MTMR6: variants seen among roughly 807,000 people sequenced by gnomAD.
The protein encoded by MTMR6 is myotubularin related protein 6.
In MTMR6, 47 loss-of-function variants were observed where a neutral mutation model predicts 80.1. The observed-to-expected ratio is 0.59, with a 90% CI of 0.46 to 0.75. MTMR6 has a LOEUF of 0.75. MTMR6 is among the 30% of genes least tolerant of loss of function. MTMR6 has a pLI of 0.00. For missense variants in MTMR6, 629 were observed against 730.9 expected, an observed-to-expected ratio of 0.86 and a Z score of 1.61; for synonymous variants, 254 against 253.0, an observed-to-expected ratio of 1.00 and a Z score of -0.04.
intron 5 of MTMR6, among the ~76,000 whole-genome samples, chr13:25,263,257 T>G (rs1325201937): frequency 6.6e-6 from 1 of 152,126 alleles, no homozygotes; most frequent in Non-Finnish European, 1.5e-5. Flanking sequence ...GCTCAAAACC[T>G]CTGAAGGCTT....
In MTMR6 at chr13:25,249,182, C is replaced by A; in HGVS notation, c.*50G>T. On this transcript the variant is annotated 3_prime_UTR_variant, in exon 14 of 14. Transcript: ENST00000381801. ...TGGTTATGCTTACAGACCATCCTCA[C>A]AATAATCCTTTTCTTGTACTGCAAT... The A allele has an allele frequency of 1.3e-6, 2 of 1,587,244 alleles. No homozygotes were observed. Among genetic ancestry groups the A allele is most frequent in the Non-Finnish European group, 1.7e-6 (2 of 1,164,250 alleles).
In MTMR6 at chr13:25,264,840, C is replaced by T. The variant is rs528643597; in HGVS notation, c.591+979G>A. 1.1e-4 allele frequency among the ~76,000 whole-genome samples: 17 copies of T among 151,624 alleles called. No individual in the cohort carries two copies. In the South Asian group the frequency reaches 3.6e-3, roughly 32 times the overall value. On this transcript the variant is annotated intron_variant, in intron 5 of 13. Coordinates refer to ENST00000381801, the MANE Select transcript of MTMR6 (RefSeq NM_004685.5). ...TTCTCAGAGAAAACAAAATCAGGTC[C>T]CAAAGGACTGGGAGTCAGAAATGGC...
chr13:25,265,825 A>C lies in MTMR6; in HGVS notation c.585T>G (p.Asp195Glu). 6.2e-7 allele frequency: 1 copy of C among 1,612,924 alleles called. No homozygotes were observed. Among genetic ancestry groups the C allele is most frequent in the Non-Finnish European group, 8.5e-7 (1 of 1,179,092 alleles). Reference protein sequence around the residue: ...RFPVLSYYHQDKEAAICRCSQ... With the variant: ...RFPVLSYYHQEKEAAICRCSQ... ...CAAAAGAAAAGCATCCTACCTCCTT[A>C]TCTTGATGATAGTAGGAAAGAACTG... The change falls in exon 5 of 14, where the codon GAT becomes GAG. Residue 195 changes from aspartate to glutamate, a missense_variant. Coordinates refer to ENST00000381801, the MANE Select transcript of MTMR6 (RefSeq NM_004685.5).
intron 8 of MTMR6, 123 bp from the exon 9 acceptor site, chr13:25,257,444 A>G: frequency 8.5e-7 from 1 of 1,178,630 alleles, no homozygotes; most frequent in Non-Finnish European, 1.2e-6. Context: ...ATAATGTCAC[A>G]GCATAATTTC....
At chr13:25,259,744 C>T (rs961870900) in intron 6 of MTMR6, among the ~76,000 whole-genome samples, 1 of 152,090 alleles carries the variant, frequency 6.6e-6, no homozygotes, top group African/African-American at 2.4e-5. Context: ...ATATTACAAT[C>T]GCCTTTTATA....
intron 1 of MTMR6, among the ~76,000 whole-genome samples, chr13:25,286,658 A>G (rs1368236772): frequency 6.6e-6 from 1 of 152,194 alleles, no homozygotes; most frequent in Non-Finnish European, 1.5e-5. Context: ...ACTCTTGACT[A>G]CTGACACAGG....
chr13:25,257,287 T>A lies in MTMR6; in HGVS notation c.1004A>T (p.His335Leu), dbSNP rs773843434. ...AGTCCTATCCCAACCATCGGAACAA[T>A]GCACCAACACACTTGCATTTTCAAC... ...ITVENASVLV[H>L]CSDGWDRTSQ... The change falls in exon 9 of 14, where the codon CAT becomes CTT. Residue 335 changes from histidine to leucine, a missense_variant. His to Leu is a moderately conservative substitution (Grantham distance 99, BLOSUM62 -3). Coordinates refer to ENST00000381801, the MANE Select transcript of MTMR6 (RefSeq NM_004685.5). The A allele has an allele frequency of 1.2e-6, 2 of 1,613,810 alleles. No individual in the cohort carries two copies. The highest frequency in any genetic ancestry group is 2.7e-5 in the African/African-American group (2 of 74,894).
intron 11 of MTMR6, 81 bp downstream of exon 11, chr13:25,253,678 ATATTT>A: frequency 8.7e-7 from 1 of 1,153,836 alleles, no homozygotes; most frequent in East Asian, 2.5e-5. Context: ...AATTGTCAAG[ATATTT>A]TATTAAGTTT....
chr13:25,265,417 C>T (rs1462226869), intron 5 of MTMR6, among the ~76,000 whole-genome samples: 2 of 152,142 alleles, frequency 1.3e-5, no homozygotes, highest in African/African-American at 2.4e-5. Flanking sequence ...AAAGCCAGTG[C>T]TTCTCCATTA....
chr13:25,246,471 C>T lies in MTMR6; in HGVS notation c.*2761G>A, dbSNP rs1456925003. On this transcript the variant is annotated 3_prime_UTR_variant, in exon 14 of 14. Transcript: ENST00000381801. The stretch of plus-strand genomic sequence containing the variant: ...TTGGAATTCTACATGGAAAAGCCAA[C>T]AAAATAACTAAAACTTGACTAATGA... 1.3e-5 allele frequency: 2 copies of T among 152,562 alleles called. No individual in the cohort carries two copies. Among genetic ancestry groups the T allele is most frequent in the Non-Finnish European group, 2.9e-5 (2 of 68,020 alleles). The allele number at this position is 152,562 out of a possible 1,614,324, so 9.5% of individuals were successfully genotyped here.
intron 2 of MTMR6, among the ~76,000 whole-genome samples, chr13:25,273,067 T>C (rs1957617660): frequency 6.6e-6 from 1 of 152,116 alleles, no homozygotes. Flanking sequence ...TTTCTTTATC[T>C]GAAAAGGGTA....
intron 2 of MTMR6, among the ~76,000 whole-genome samples, chr13:25,269,878 T>G (rs1416682056): frequency 6.6e-6 from 1 of 152,140 alleles, no homozygotes; most frequent in African/African-American, 2.4e-5. Context: ...ATCACTTATA[T>G]TAATGCGCCT....
At chr13:25,257,147 A>G in intron 9 of MTMR6, 49 bp downstream of exon 9, 1 of 1,552,368 alleles carries the variant, frequency 6.4e-7, no homozygotes, top group Admixed American at 1.9e-5. Context: ...GGAGGAACAT[A>G]AAATTACTCC....
chr13:25,254,520 G>T, intron 9 of MTMR6, 86 bp from the exon 10 acceptor site: 1 of 878,568 alleles, frequency 1.1e-6, no homozygotes, highest in Non-Finnish European at 1.8e-6. Flanking sequence ...TTTAAAAACA[G>T]TATTTACTGT....
Position 25,265,930 on chromosome 13 carries a change from G to A in MTMR6, c.480C>T (p.Pro160=), listed in dbSNP as rs995856115. The change falls in exon 5 of 14, where the codon CCC becomes CCT. Residue 160 remains proline, a synonymous_variant. Coordinates refer to ENST00000381801, the MANE Select transcript of MTMR6 (RefSeq NM_004685.5). The stretch of plus-strand genomic sequence containing the variant: ...CTATCCGGGGAACATAAAGTTCTCT[G>A]GGGTAAGTTTCACAAATCTGTAAAT... ...NRDYKICETY[P]RELYVPRIAS... is the part of the protein sequence containing the mutation. The A allele has an allele frequency of 1.2e-6, 2 of 1,613,692 alleles. No homozygotes were observed. Among genetic ancestry groups the A allele is most frequent in the Non-Finnish European group, 1.7e-6 (2 of 1,179,670 alleles).
At chr13:25,261,079 G>T (rs1040264174) in intron 6 of MTMR6, among the ~76,000 whole-genome samples, 1 of 151,872 alleles carries the variant, frequency 6.6e-6, no homozygotes. Context: ...CAACTGAGGT[G>T]GGCGGATCAC....
chr13:25,264,458 T>C (rs575361103), intron 5 of MTMR6, among the ~76,000 whole-genome samples: 1 of 151,890 alleles, frequency 6.6e-6, no homozygotes, highest in Non-Finnish European at 1.5e-5. Context: ...GACATTACTG[T>C]GAAATTTCAG....
intron 2 of MTMR6, 92 bp from the exon 3 acceptor site, chr13:25,268,033 A>G: frequency 7.6e-7 from 1 of 1,308,478 alleles, no homozygotes; most frequent in Non-Finnish European, 1.0e-6. Flanking sequence ...CTTCCTCAAA[A>G]AAAGTTGAAA....
chr13:25,266,315 G>A (rs149112255), intron 3 of MTMR6, 29 bp from the exon 4 acceptor site: 1 of 1,566,370 alleles, frequency 6.4e-7, no homozygotes, highest in Non-Finnish European at 8.8e-7. Flanking sequence ...TAAATGTTAA[G>A]TGCAATTTAT....
Sources: allele counts gnomAD v4.1 joint callset (sites outside exome capture counted in the v4.1 genomes callset), GRCh38; gene constraint gnomAD v4.1.1; transcripts MANE v1.5; gene names NCBI Gene and HGNC (gene_info 2026-07-23, HGNC 2026-07-21).